Variants in HHIPL1 observed in about 807,000 individuals in gnomAD.
HHIPL1 encodes HHIP like 1, also known as HHIP-like protein 1.
In HHIPL1, 43 loss-of-function variants were observed where a neutral mutation model predicts 61.8. The observed-to-expected ratio is 0.70, with a 90% CI of 0.55 to 0.90. HHIPL1 has a LOEUF of 0.90. Among genes scored for constraint, HHIPL1 ranks in the 40% least tolerant of loss-of-function variants. The pLI, the probability that HHIPL1 is intolerant of heterozygous loss-of-function variation, is 0.00. For synonymous variants in HHIPL1, 482 were observed against 515.8 expected (o/e 0.93, Z 0.89); for missense variants, 1,056 against 1,157.7 (o/e 0.91, Z 1.28).
At chr14:99,608,415 C>T in the HHIPL1 span, among the ~76,000 whole-genome samples, 1 of 152,200 alleles carries the variant, frequency 6.6e-6, no homozygotes, top group African/African-American at 2.4e-5. Flanking sequence ...GTGTCATTAG[C>T]CCTTCGAGGA....
intron 1 of HHIPL1, among the ~76,000 whole-genome samples, chr14:99,649,950 G>A (rs927872380): frequency 6.6e-6 from 1 of 152,242 alleles, no homozygotes; most frequent in African/African-American, 2.4e-5. Flanking sequence ...CAGCACACAC[G>A]GCGGCCTGAG....
chr14:99,610,923 G>A, the HHIPL1 span, among the ~76,000 whole-genome samples: 2 of 152,170 alleles, frequency 1.3e-5, no homozygotes, highest in Non-Finnish European at 2.9e-5. Flanking sequence ...CCTCAGCGTG[G>A]TTGTGAGGGG....
the HHIPL1 span, among the ~76,000 whole-genome samples, chr14:99,609,122 C>T: frequency 6.6e-6 from 1 of 152,182 alleles, no homozygotes; most frequent in Non-Finnish European, 1.5e-5. Context: ...GCTCTGACGC[C>T]TCTGGATGGC....
the HHIPL1 span, among the ~76,000 whole-genome samples, chr14:99,640,084 T>A: frequency 6.6e-6 from 1 of 152,252 alleles, no homozygotes; most frequent in African/African-American, 2.4e-5. Flanking sequence ...AACTCTTTTC[T>A]ATTGATTATA....
chr14:99,617,404 A>G, the HHIPL1 span, among the ~76,000 whole-genome samples: 1 of 152,198 alleles, frequency 6.6e-6, no homozygotes, highest in Admixed American at 6.5e-5. Flanking sequence ...ATGAGAAAGC[A>G]ACAGAAATGT....
chr14:99,633,025 A>AG, the HHIPL1 span, among the ~76,000 whole-genome samples: 1 of 10,388 alleles, frequency 9.6e-5, no homozygotes, highest in African/African-American at 4.2e-4. Flanking sequence ...CCAAGTGGTG[A>AG]GTGGGTGGGC....
At position 99,645,336 on chromosome 14, in the gene HHIPL1, G is replaced by C; in HGVS notation, c.129G>C (p.Ser43=). 4.1e-6 allele frequency: 6 copies of C among 1,456,418 alleles called. No individual in the cohort carries two copies. In the South Asian group the frequency reaches 8.0e-5, roughly 19 times the overall value. The allele number at this position is 1,456,418 out of a possible 1,614,324, so 90.2% of individuals were successfully genotyped here. The change falls in exon 1 of 9, where the codon TCG becomes TCC. Residue 43 remains serine, a synonymous_variant. Transcript: ENST00000330710. ...CGCTGCGCCTCTGCGCGCAGTACTC[G>C]GACTTCGGCTGCTGCGATGAGGGGC... is the stretch of plus-strand genomic sequence containing the variant. ...TQPLRLCAQY[S]DFGCCDEGRD... is the part of the protein sequence containing the mutation.
At position 99,656,823 on chromosome 14, in the gene HHIPL1, G is replaced by GA. The variant is rs1566809783; in HGVS notation, c.903-174dup. Among the ~76,000 whole-genome samples the GA allele has an allele frequency of 5.1e-3, 22 of 4,350 alleles. 2 individuals carry two copies. The highest frequency in any genetic ancestry group is 0.028 in the Non-Finnish European group (19 of 690). 2.9% of individuals were successfully genotyped at this position (4,350 alleles called of 152,430 possible). ...AGAAAGAAAGAAAGAAAGAAAGAAA[G>GA]AAAGAAAGAAAGAAAGGAAGGAAGG... On this transcript the variant is annotated intron_variant, in intron 2 of 8. Transcript: ENST00000330710.
At chr14:99,620,504 C>A in the HHIPL1 span, among the ~76,000 whole-genome samples, 12 of 152,232 alleles carry the variant, frequency 7.9e-5, no homozygotes, top group Non-Finnish European at 1.5e-4. Flanking sequence ...CTGAGGGGCA[C>A]GAGAAGAGGG....
At chr14:99,648,831 G>C (rs952039369) in intron 1 of HHIPL1, among the ~76,000 whole-genome samples, 1 of 152,196 alleles carries the variant, frequency 6.6e-6, no homozygotes, top group Non-Finnish European at 1.5e-5. Flanking sequence ...CTGTGCAAAG[G>C]CTTGCTCTTT....
the HHIPL1 span, among the ~76,000 whole-genome samples, chr14:99,638,375 T>C: frequency 6.6e-6 from 1 of 152,158 alleles, no homozygotes; most frequent in Non-Finnish European, 1.5e-5. Flanking sequence ...CCCGAGGCCT[T>C]CCCAGTCTTT....
chr14:99,620,171 T>A, the HHIPL1 span, among the ~76,000 whole-genome samples: 1 of 152,184 alleles, frequency 6.6e-6, no homozygotes, highest in Non-Finnish European at 1.5e-5. Flanking sequence ...AGCCAGCCGG[T>A]GATGGATTTT....
At chr14:99,638,477 A>AG in the HHIPL1 span, among the ~76,000 whole-genome samples, 1 of 152,126 alleles carries the variant, frequency 6.6e-6, no homozygotes. Flanking sequence ...CTGGCCAGAG[A>AG]GGCGCTGGGT....
intron 2 of HHIPL1, 35 bp downstream of exon 2, chr14:99,652,905 G>T: frequency 6.3e-7 from 1 of 1,592,508 alleles, no homozygotes; most frequent in Non-Finnish European, 8.6e-7. Flanking sequence ...CTGGGTGGGG[G>T]CAGGCACCCA....
At chr14:99,650,758 G>GC (rs962854453) in intron 1 of HHIPL1, among the ~76,000 whole-genome samples, 16 of 152,330 alleles carry the variant, frequency 1.1e-4, no homozygotes, top group African/African-American at 3.8e-4. Context: ...TCCACAATTT[G>GC]CCCCAAACCC....
At chr14:99,641,378 A>G (rs2055749209), upstream of HHIPL1, among the ~76,000 whole-genome samples, 1 of 140,396 alleles carries the variant, frequency 7.1e-6, no homozygotes, top group Non-Finnish European at 1.6e-5. Context: ...TAAAGATTTC[A>G]CTGTACTGTC....
the HHIPL1 span, among the ~76,000 whole-genome samples, chr14:99,631,098 TTCTTTCTTTC>T: frequency 3.0e-5 from 4 of 133,024 alleles, no homozygotes; most frequent in East Asian, 2.1e-4. Context: ...CTTTCTTTCT[TTCTTTCTTTC>T]TCTCTCTTTC....
intron 7 of HHIPL1, among the ~76,000 whole-genome samples, chr14:99,670,467 T>G (rs1019819859): frequency 2.6e-5 from 4 of 152,230 alleles, no homozygotes; most frequent in African/African-American, 9.6e-5. Context: ...CTTTTCCTGT[T>G]CCAGGATCCT....
At chr14:99,631,126 C>CTT in the HHIPL1 span, among the ~76,000 whole-genome samples, 210 of 132,246 alleles carry the variant, frequency 1.6e-3, 2 homozygotes, top group African/African-American at 5.8e-3. Flanking sequence ...TTCTTTCTTT[C>CTT]TTTTTTTTTT....
Sources: gnomAD v4.1 joint callset for allele counts (sites outside exome capture counted in the v4.1 genomes callset) on GRCh38, gnomAD v4.1.1 for gene constraint, MANE v1.5 for transcripts, NCBI Gene and HGNC (gene_info 2026-07-23, HGNC 2026-07-21) for gene names.